The following MSL2 variants were observed in gnomAD, a reference collection of about 807,000 sequenced individuals.
The protein encoded by MSL2 is MSL complex subunit 2.
In MSL2, 2 loss-of-function variants were observed where a neutral mutation model predicts 35.8. That is an observed-to-expected ratio of 0.06 (90% CI 0.02 to 0.18). MSL2 has a LOEUF of 0.18. Ranked by LOEUF, MSL2 falls within the 10% of genes least tolerant of loss-of-function variation. The pLI is 1.00. For missense variants in MSL2, 523 were observed against 706.7 expected (o/e 0.74, Z 2.95); for synonymous variants, 296 against 255.7 (o/e 1.16, Z -1.50).
intron 1 of MSL2, among the ~76,000 whole-genome samples, chr3:136,187,376 T>C (rs181360546): frequency 1.8e-4 from 28 of 152,090 alleles, no homozygotes; most frequent in Admixed American, 4.6e-4. Context: ...AAACAAACCA[T>C]ATTTGGCCAG....
rs766250267 is a variant in MSL2 at position 136,151,212 on chromosome 3, A to G, written c.1669T>C (p.Leu557=). 4 of 1,614,214 alleles carry G rather than the reference A, an allele frequency of 2.5e-6. No individual in the cohort carries two copies. Among genetic ancestry groups the G allele is most frequent in the Non-Finnish European group, 3.4e-6 (4 of 1,180,026 alleles). Residue 557 remains leucine, a synonymous_variant, in exon 2 of 2, where the codon TTA becomes CTA. Coordinates refer to ENST00000309993, the MANE Select transcript of MSL2 (RefSeq NM_018133.4). This position sits in a 1 kb window ranked among gnomAD's most constrained non-coding sequence, Gnocchi z 5.2. Reference sequence around the variant, plus strand: ...TTATCATCATGTGTACTGGCAGCTAAAAACGTCGTTACTGGGGACCCTGTG... The same window carrying G: ...TTATCATCATGTGTACTGGCAGCTAGAAACGTCGTTACTGGGGACCCTGTG... ...NVTGSPVTTF[L]AASTHDDKSL... is the part of the protein sequence containing the mutation.
At chr3:136,181,779 C>A (rs931928772) in intron 1 of MSL2, among the ~76,000 whole-genome samples, 1 of 151,806 alleles carries the variant, frequency 6.6e-6, no homozygotes, top group African/African-American at 2.4e-5. Flanking sequence ...ACTAGCCGGG[C>A]GTGGTGGTAG....
intron 1 of MSL2, among the ~76,000 whole-genome samples, chr3:136,179,172 G>C (rs1461032882): frequency 6.6e-6 from 1 of 151,412 alleles, no homozygotes; most frequent in Non-Finnish European, 1.5e-5. Context: ...TTTGGTCACA[G>C]GTGTTCACTT....
chr3:136,158,408 T>TTC (rs1939597680), intron 1 of MSL2, among the ~76,000 whole-genome samples: 2 of 149,930 alleles, frequency 1.3e-5, no homozygotes, highest in African/African-American at 4.9e-5. Context: ...CCACAACATA[T>TTC]AATACAATAC....
chr3:136,161,360 C>G (rs991114497), intron 1 of MSL2, among the ~76,000 whole-genome samples: 14 of 152,148 alleles, frequency 9.2e-5, no homozygotes, highest in African/African-American at 2.7e-4. Flanking sequence ...AAATTCTACT[C>G]CTAGGAACCT....
rs950142748 is a variant in MSL2, at chr3:136,152,282, A to C, written c.599T>G (p.Leu200Arg). ...ATTTATACCAAATCTATCTATTGAA[A>C]GCCCATTATAAGTAGGCAAACCATT... ...VINGLPTYNG[L>R]SIDRFGINIP... The change falls in exon 2 of 2, where the codon CTT (leucine) becomes CGT (arginine). Residue 200 changes from leucine to arginine, a missense_variant. Around this residue, in one of 5 missense-constraint regions of MSL2, gnomAD observed 361 missense variants for 414.6 expected, o/e 0.87. Transcript: ENST00000309993. 3.7e-6 allele frequency: 6 copies of C among 1,614,100 alleles called. No homozygotes were observed. Among genetic ancestry groups the C allele is most frequent in the Non-Finnish European group, 5.1e-6 (6 of 1,179,898 alleles).
At position 136,151,156 on chromosome 3, in the gene MSL2, G is replaced by C. The variant is rs201639045; in HGVS notation, c.1725C>G (p.Phe575Leu). The C allele has an allele frequency of 6.2e-7, 1 of 1,608,774 alleles. No homozygotes were observed. Among genetic ancestry groups the C allele is most frequent in the South Asian group, 1.1e-5 (1 of 91,006 alleles). The part of the protein sequence containing the change: ...KSLDEAIDMR[F>L]DC The stretch of plus-strand genomic sequence containing the variant: ...TAAAAGACCCACTGATTTAACAGTC[G>C]AATCTCATGTCTATAGCTTCATCCA... The change falls in exon 2 of 2, where the codon TTC (phenylalanine) becomes TTG (leucine). Residue 575 changes from phenylalanine to leucine, a missense_variant. Phe to Leu is a conservative substitution (Grantham distance 22, BLOSUM62 0). Around this residue, in one of 5 missense-constraint regions of MSL2, gnomAD observed 60 missense variants for 75.1 expected, o/e 0.80. Transcript: ENST00000309993. The surrounding 1 kb of genome is among the most constrained non-coding windows in gnomAD (Gnocchi z 5.2).
Position 136,195,797 on chromosome 3 carries a change from G to A in MSL2, c.-684C>T, listed in dbSNP as rs572550245. The A allele has an allele frequency of 9.1e-6, 9 of 984,932 alleles. No homozygotes were observed. In the South Asian group the frequency reaches 2.8e-4, roughly 31 times the overall value. The allele number at this position is 984,932 out of a possible 1,614,324, so 61.0% of individuals were successfully genotyped here. A position where few individuals can be genotyped will look rare whatever the true frequency, so the allele number is the denominator to read the frequency against. ...GCAGCCCGCAGTTCCCCGAGGTGGC[G>A]AGGCGGGCGGGAGTCCTCAACCCGG... is the stretch of plus-strand genomic sequence containing the variant. On this transcript the variant is annotated 5_prime_UTR_variant, in exon 1 of 2. Coordinates refer to ENST00000309993, the MANE Select transcript of MSL2 (RefSeq NM_018133.4).
chr3:136,166,363 G>A (rs13321220), intron 1 of MSL2, among the ~76,000 whole-genome samples: 29,970 of 151,854 alleles, frequency 0.2, 3,457 homozygotes, highest in Non-Finnish European at 0.27. Flanking sequence ...ACTCCAGCCT[G>A]GGCGACAGAG....
At chr3:136,155,684 C>T (rs777174728) in intron 1 of MSL2, 38 of 491,118 alleles carry the variant, frequency 7.7e-5, no homozygotes, top group Non-Finnish European at 1.3e-4. Context: ...AAACCTGCTG[C>T]CTGAATGGGG....
intron 1 of MSL2, among the ~76,000 whole-genome samples, chr3:136,170,353 C>CAAAAAAAAAA (rs563047729): frequency 1.4e-4 from 17 of 125,894 alleles, no homozygotes; most frequent in South Asian, 1.0e-3. Context: ...AAATCCCTCT[C>CAAAAAAAAAA]AAAAAAAAAA....
intron 1 of MSL2, among the ~76,000 whole-genome samples, chr3:136,179,145 T>C (rs1395041764): frequency 6.6e-6 from 1 of 151,970 alleles, no homozygotes; most frequent in African/African-American, 2.4e-5. Context: ...GTAATGGTCA[T>C]AAACCTTGTG....
At chr3:136,159,220 G>A (rs1939625480) in intron 1 of MSL2, among the ~76,000 whole-genome samples, 1 of 152,008 alleles carries the variant, frequency 6.6e-6, no homozygotes, top group African/African-American at 2.4e-5. Flanking sequence ...AAGACAGTGT[G>A]GTAATGACAA....
chr3:136,192,959 GA>G (rs913917523), intron 1 of MSL2, among the ~76,000 whole-genome samples: 4 of 151,998 alleles, frequency 2.6e-5, no homozygotes, highest in African/African-American at 7.2e-5. Context: ...GAGATGGGAG[GA>G]AAAAAACCTG....
intron 1 of MSL2, among the ~76,000 whole-genome samples, chr3:136,159,354 CTTTTTTTTTTTTTTT>C (rs71157361): frequency 1.4e-5 from 1 of 70,054 alleles, no homozygotes; most frequent in Non-Finnish European, 2.8e-5. Context: ...AGAGTACTTT[CTTTTTTTTTTTTTTT>C]TTTTTTTTTT....
chr3:136,170,171 G>A (rs371625336), intron 1 of MSL2, among the ~76,000 whole-genome samples: 3 of 151,046 alleles, frequency 2.0e-5, no homozygotes, highest in African/African-American at 7.3e-5. Flanking sequence ...GTGAAACCCC[G>A]TCTCTACTTA....
At chr3:136,187,909 A>G (rs1440886319) in intron 1 of MSL2, among the ~76,000 whole-genome samples, 1 of 152,046 alleles carries the variant, frequency 6.6e-6, no homozygotes, top group African/African-American at 2.4e-5. Context: ...CTTTTAGGTG[A>G]TTTTGATTCA....
In MSL2 at chr3:136,195,041, G is replaced by C; in HGVS notation, c.73C>G (p.Pro25Ala). Residue 25 changes from proline (P) to alanine (A), a missense_variant, in exon 1 of 2, where the codon CCC becomes GCC. Transcript: ENST00000309993. ...CTGTTAATCTCAGTAAACGCCTTGG[G>C]GTCTCCGGGGTCGTAGTTGAGCACT... ...RLVLNYDPGD[P>A]KAFTEINRLL... The C allele has an allele frequency of 1.2e-6, 2 of 1,614,096 alleles. No individual in the cohort carries two copies. Among genetic ancestry groups the C allele is most frequent in the Non-Finnish European group, 1.7e-6 (2 of 1,179,996 alleles).
At position 136,151,520 on chromosome 3, in the gene MSL2, T is replaced by C; in HGVS notation, c.1361A>G (p.Lys454Arg). 3.7e-6 allele frequency: 6 copies of C among 1,614,226 alleles called. No individual in the cohort carries two copies. Among genetic ancestry groups the C allele is most frequent in the Non-Finnish European group, 4.2e-6 (5 of 1,180,046 alleles). The change falls in exon 2 of 2, where the codon AAA becomes AGA. Residue 454 changes from lysine to arginine, a missense_variant. Coordinates refer to ENST00000309993, the MANE Select transcript of MSL2 (RefSeq NM_018133.4). The surrounding 1 kb of genome is among the most constrained non-coding windows in gnomAD (Gnocchi z 5.2). ...ACACCCTTTCTTTTCCTGGGGTTTTTTGTACACAGTCTTGGTAGGACTTCC... is the reference window on the plus strand; with the variant it reads ...ACACCCTTTCTTTTCCTGGGGTTTTCTGTACACAGTCTTGGTAGGACTTCC... ...MPGSPTKTVY[K>R]KPQEKKGCKC...
Sources: gnomAD v4.1 joint callset for allele counts (sites outside exome capture counted in the v4.1 genomes callset) on GRCh38, gnomAD v4.1.1 for gene constraint, gnomAD v4.1.1 regional missense constraint, Gnocchi (gnomAD v3.1) non-coding constraint, MANE v1.5 for transcripts, NCBI Gene and HGNC (gene_info 2026-07-23, HGNC 2026-07-21) for gene names.